GPC3: variants seen among roughly 807,000 people sequenced by gnomAD.
GPC3 encodes the protein glypican 3.
A neutral mutation model predicts 34.4 loss-of-function variants in GPC3; 3 were observed. The ratio of observed to expected loss-of-function variants is 0.09; its 90% CI spans 0.04 to 0.23. GPC3 has a LOEUF of 0.23. Among genes scored for constraint, GPC3 ranks in the 10% least tolerant of loss-of-function variants. GPC3 has a pLI of 1.00. For missense variants in GPC3, 351 were observed against 445.6 expected (o/e 0.79, Z 1.91); for synonymous variants, 177 against 174.0 (o/e 1.02, Z -0.13).
intron 3 of GPC3, among the ~76,000 whole-genome samples, chrX:133,751,942 G>A (rs933668555): frequency 1.3e-4 from 15 of 111,544 alleles, no homozygotes; most frequent in African/African-American, 4.6e-4. Flanking sequence ...AGGCTGGGGT[G>A]CAGTCACGTG....
intron 2 of GPC3, among the ~76,000 whole-genome samples, chrX:133,841,215 A>ATTTTTTTTTTATTTTTT (rs2075822545): frequency 2.5e-5 from 1 of 39,248 alleles, no homozygotes; most frequent in Non-Finnish European, 5.4e-5. Flanking sequence ...TAATCTTTTA[A>ATTTTTTTTTTATTTTTT]TTTTTTTTTT....
chrX:133,786,475 G>T (rs2072102564), intron 2 of GPC3, among the ~76,000 whole-genome samples: 1 of 112,802 alleles, frequency 8.9e-6, no homozygotes. Flanking sequence ...TGCCTAGGCA[G>T]ATAAAAAGGG....
At chrX:133,913,320 T>A (rs946760781) in intron 2 of GPC3, among the ~76,000 whole-genome samples, 1 of 111,773 alleles carries the variant, frequency 8.9e-6, no homozygotes, top group Non-Finnish European at 1.9e-5. Flanking sequence ...AAGAGAAACA[T>A]CCATGGAGAA....
rs187601552 is a variant in GPC3 at position 133,602,225 on chromosome X, C to T, written c.1414-5626G>A. Among the ~76,000 whole-genome samples, 201 of 111,350 alleles carry T rather than the reference C, an allele frequency of 1.8e-3. 1 individual carries two copies. The highest frequency in any genetic ancestry group is 6.3e-3 in the African/African-American group (193 of 30,670). The stretch of plus-strand genomic sequence containing the variant: ...TGTAGGAGCTAAAAAAAAGTTGAGC[C>T]CATAGAAGTAGAGAATAGTGGTTAC... On this transcript the variant is annotated intron_variant, in intron 6 of 7. Transcript: ENST00000370818.
chrX:133,726,727 A>AAAAAC (rs757816186), intron 3 of GPC3, among the ~76,000 whole-genome samples: 19 of 111,455 alleles, frequency 1.7e-4, no homozygotes, highest in South Asian at 3.8e-4. Flanking sequence ...CATTTCTCCA[A>AAAAAC]AAAACAAAAC....
intron 5 of GPC3, among the ~76,000 whole-genome samples, chrX:133,674,712 C>T (rs970033414): frequency 9.0e-6 from 1 of 111,711 alleles, no homozygotes; most frequent in Non-Finnish European, 1.9e-5. Flanking sequence ...GTTCCCCTCC[C>T]TCCTTCTCCC....
rs185548903 is a variant in GPC3 at position 133,620,895 on chromosome X, C to T, written c.1414-24296G>A. On this transcript the variant is annotated intron_variant, in intron 6 of 7. Transcript: ENST00000370818. ...TTTCCGGTTTTCCTACCTTTCCGGA[C>T]CAAACCAATGTACATCTTACATGTA... Among the ~76,000 whole-genome samples the T allele has an allele frequency of 9.3e-4, 104 of 111,401 alleles. 1 individual carries two copies. The highest frequency in any genetic ancestry group is 3.3e-3 in the African/African-American group (101 of 30,625).
At chrX:133,721,202 G>T (rs1487691883) in intron 3 of GPC3, among the ~76,000 whole-genome samples, 1 of 109,119 alleles carries the variant, frequency 9.2e-6, no homozygotes, top group Non-Finnish European at 1.9e-5. Context: ...AAAAACATTA[G>T]AGAAAATGAA....
chrX:133,671,726 T>A (rs1417455976), intron 5 of GPC3, among the ~76,000 whole-genome samples: 1 of 111,445 alleles, frequency 9.0e-6, no homozygotes, highest in Non-Finnish European at 1.9e-5. Context: ...TACATATGTA[T>A]ACATGTGCCA....
At chrX:133,555,274 C>T (rs1215203558) in intron 7 of GPC3, among the ~76,000 whole-genome samples, 1 of 112,588 alleles carries the variant, frequency 8.9e-6, no homozygotes, top group Non-Finnish European at 1.9e-5. Context: ...GATGCTCCTC[C>T]TACTTCTCTG....
At chrX:133,625,730 C>G (rs1437578038) in intron 6 of GPC3, among the ~76,000 whole-genome samples, 4 of 111,710 alleles carry the variant, frequency 3.6e-5, no homozygotes, top group African/African-American at 1.3e-4. Context: ...GTGAAAATGG[C>G]CATACTGCCC....
At chrX:133,639,763 G>A (rs948902912) in intron 6 of GPC3, among the ~76,000 whole-genome samples, 1 of 111,872 alleles carries the variant, frequency 8.9e-6, no homozygotes, top group South Asian at 3.7e-4. Flanking sequence ...TAAGAATGAG[G>A]GCTTCTGTTT....
intron 3 of GPC3, among the ~76,000 whole-genome samples, chrX:133,750,352 G>A (rs1044411544): frequency 1.2e-4 from 14 of 112,217 alleles, no homozygotes; most frequent in Admixed American, 5.6e-4. Context: ...GGGTCTAAGC[G>A]GGGACAGACT....
At chrX:133,721,599 T>C (rs2071368253) in intron 3 of GPC3, among the ~76,000 whole-genome samples, 1 of 111,062 alleles carries the variant, frequency 9.0e-6, no homozygotes, top group East Asian at 2.8e-4. Context: ...ATAGAAAAGG[T>C]AGAACACTTC....
At chrX:133,652,449 C>A (rs2070614090) in intron 6 of GPC3, among the ~76,000 whole-genome samples, 1 of 111,042 alleles carries the variant, frequency 9.0e-6, no homozygotes, top group African/African-American at 3.3e-5. Flanking sequence ...GAAAAGAAGA[C>A]CATACTTAAG....
intron 2 of GPC3, among the ~76,000 whole-genome samples, chrX:133,841,970 G>T (rs528193140): frequency 2.7e-5 from 3 of 112,230 alleles, no homozygotes; most frequent in Admixed American, 9.4e-5. Context: ...TCCTTGCTCC[G>T]CAAGCTTGCA....
intron 3 of GPC3, among the ~76,000 whole-genome samples, chrX:133,726,666 C>T (rs948141123): frequency 8.1e-5 from 9 of 111,411 alleles, no homozygotes; most frequent in Non-Finnish European, 1.7e-4. Flanking sequence ...AATATTCCTT[C>T]TCCCCTTCTT....
chrX:133,646,083 CA>C (rs199725073), intron 6 of GPC3, among the ~76,000 whole-genome samples: 24,075 of 58,142 alleles, frequency 0.41, 5,212 homozygotes, highest in African/African-American at 0.73. Context: ...AAAACAAAGA[CA>C]AAAAAAAAAA....
intron 6 of GPC3, among the ~76,000 whole-genome samples, chrX:133,619,905 T>C (rs1207682049): frequency 9.0e-6 from 1 of 110,868 alleles, no homozygotes; most frequent in Admixed American, 9.6e-5. Flanking sequence ...TCCTATTGTC[T>C]GGTGTTAAGA....
Sources: allele counts gnomAD v4.1 joint callset (sites outside exome capture counted in the v4.1 genomes callset), GRCh38; gene constraint gnomAD v4.1.1; transcripts MANE v1.5; gene names NCBI Gene and HGNC (gene_info 2026-07-23, HGNC 2026-07-21).